Variants in PRSS12 observed in about 807,000 individuals in gnomAD.
The protein encoded by PRSS12 is serine protease 12.
In PRSS12, 85 loss-of-function variants were observed where a neutral mutation model predicts 104.4. The ratio of observed to expected loss-of-function variants is 0.81; its 90% CI spans 0.68 to 0.98. The LOEUF is 0.98. PRSS12 is among the 50% of genes least tolerant of loss of function. The pLI, the probability that PRSS12 is intolerant of heterozygous loss-of-function variation, is 0.00. For synonymous variants in PRSS12, 454 were observed against 425.2 expected (o/e 1.07, Z -0.83); for missense variants, 1,141 against 1,139.2 (o/e 1.00, Z -0.02).
intron 9 of PRSS12, among the ~76,000 whole-genome samples, chr4:118,297,270 A>G (rs1024334873): frequency 1.3e-5 from 2 of 152,182 alleles, no homozygotes; most frequent in Admixed American, 1.3e-4. Context: ...CCATGGAAAG[A>G]TATCAAAAAG....
At chr4:118,326,361 TACTA>T (rs1165240673) in intron 4 of PRSS12, among the ~76,000 whole-genome samples, 2 of 152,226 alleles carry the variant, frequency 1.3e-5, no homozygotes, top group African/African-American at 2.4e-5. Context: ...CTTTTAGACA[TACTA>T]ACTAATTTCT....
chr4:118,295,358 C>T (rs1048708289), intron 10 of PRSS12, among the ~76,000 whole-genome samples: 2 of 152,174 alleles, frequency 1.3e-5, no homozygotes, highest in African/African-American at 4.8e-5. Context: ...AGTGTAATTT[C>T]TCTCCTCACT....
chr4:118,286,026 A>T (rs1743009773), intron 11 of PRSS12, among the ~76,000 whole-genome samples: 2 of 152,220 alleles, frequency 1.3e-5, no homozygotes, highest in Admixed American at 6.5e-5. Context: ...ATTTATTTTT[A>T]AAATAATATC....
At chr4:118,288,546 TC>T (rs1743060505) in intron 11 of PRSS12, among the ~76,000 whole-genome samples, 1 of 152,190 alleles carries the variant, frequency 6.6e-6, no homozygotes, top group Non-Finnish European at 1.5e-5. Context: ...TGAGATAAAG[TC>T]AGGTAAAGTT....
chr4:118,342,050 G>A (rs1478894299), intron 1 of PRSS12, among the ~76,000 whole-genome samples: 1 of 152,168 alleles, frequency 6.6e-6, no homozygotes, highest in Non-Finnish European at 1.5e-5. Context: ...GCTTTCTGGT[G>A]CTCCTATAGT....
chr4:118,352,025 C>A (rs1277564719), intron 1 of PRSS12, among the ~76,000 whole-genome samples, 194 bp downstream of exon 1: 1 of 152,132 alleles, frequency 6.6e-6, no homozygotes, highest in Non-Finnish European at 1.5e-5. Flanking sequence ...CACAAGCACA[C>A]CTGGCTGGCT....
chr4:118,329,362 C>T (rs1432161282), intron 4 of PRSS12, among the ~76,000 whole-genome samples: 4 of 152,108 alleles, frequency 2.6e-5, no homozygotes, highest in African/African-American at 7.2e-5. Flanking sequence ...TAGAATAACC[C>T]ATATTGTAAC....
chr4:118,352,776 G>T lies in PRSS12; in HGVS notation c.-56C>A, dbSNP rs1193911089. ...TCCCCAGCTTCTCGGGCTTGGAGCG[G>T]AGAAGAGGAGGGGGCGGGGGCGGGG... On this transcript the variant is annotated 5_prime_UTR_variant, in exon 1 of 13. Transcript: ENST00000296498. The T allele has an allele frequency of 1.2e-6, 2 of 1,603,348 alleles. No homozygotes were observed. The highest frequency in any genetic ancestry group is 1.7e-6 in the Non-Finnish European group (2 of 1,176,232).
intron 8 of PRSS12, among the ~76,000 whole-genome samples, chr4:118,300,570 T>C (rs1026323153): frequency 1.3e-5 from 2 of 152,130 alleles, no homozygotes; most frequent in Non-Finnish European, 2.9e-5. Context: ...GCTTTCCAGA[T>C]GAATTATTGG....
At chr4:118,341,118 T>C (rs930131511) in intron 1 of PRSS12, among the ~76,000 whole-genome samples, 16 of 152,146 alleles carry the variant, frequency 1.1e-4, no homozygotes, top group African/African-American at 3.6e-4. Context: ...GGGGTTCTGG[T>C]GTCTATGGCC....
intron 8 of PRSS12, among the ~76,000 whole-genome samples, chr4:118,306,857 A>T (rs1743568792): frequency 6.6e-6 from 1 of 152,128 alleles, no homozygotes; most frequent in Admixed American, 6.5e-5. Context: ...CTCTCCTTAA[A>T]CTTAGCTGAG....
At chr4:118,347,091 T>C (rs762455241) in intron 1 of PRSS12, among the ~76,000 whole-genome samples, 4 of 150,040 alleles carry the variant, frequency 2.7e-5, no homozygotes, top group Non-Finnish European at 4.4e-5. Context: ...AAAAAAAAAA[T>C]ATGCACACTA....
chr4:118,318,515 C>A lies in PRSS12; in HGVS notation c.1013G>T (p.Gly338Val). The change falls in exon 5 of 13, where the codon GGG (glycine) becomes GTG (valine). Residue 338 changes from glycine to valine, a missense_variant. Gly to Val is a moderately radical substitution (Grantham distance 109). Transcript: ENST00000296498. ...TTCATCCAACATAACTGGGCCAGACCCTTCCCCAAAATATGCCTGATGCCA... is the reference window on the plus strand; with the variant it reads ...TTCATCCAACATAACTGGGCCAGACACTTCCCCAAAATATGCCTGATGCCA... ...KAWHQAYFGEGSGPVMLDEVR... is the reference protein window; with the variant it reads ...KAWHQAYFGEVSGPVMLDEVR... 6.2e-7 allele frequency: 1 copy of A among 1,614,138 alleles called. No individual in the cohort carries two copies. The highest frequency in any genetic ancestry group is 8.5e-7 in the Non-Finnish European group (1 of 1,180,012).
intron 11 of PRSS12, 145 bp from the exon 12 acceptor site, chr4:118,283,256 C>A: frequency 1.0e-6 from 1 of 994,590 alleles, no homozygotes; most frequent in Non-Finnish European, 1.5e-6. Flanking sequence ...TTATCTGACC[C>A]ACCATTCCTG....
intron 12 of PRSS12, 72 bp from the exon 13 acceptor site, chr4:118,282,315 T>G: frequency 6.4e-7 from 1 of 1,571,388 alleles, no homozygotes; most frequent in East Asian, 2.2e-5. Context: ...ACTGAGCATG[T>G]AATAGTTATG....
intron 12 of PRSS12, among the ~76,000 whole-genome samples, chr4:118,282,601 A>T (rs1191587339): frequency 6.6e-6 from 1 of 152,238 alleles, no homozygotes; most frequent in Non-Finnish European, 1.5e-5. Context: ...ACATCAATTC[A>T]TATCTACTTC....
intron 8 of PRSS12, among the ~76,000 whole-genome samples, chr4:118,304,964 G>A (rs1743505313): frequency 6.6e-6 from 1 of 151,600 alleles, no homozygotes; most frequent in African/African-American, 2.4e-5. Context: ...CTATTTATGA[G>A]GCTCAAATCT....
At chr4:118,333,731 A>G (rs942647163) in intron 3 of PRSS12, among the ~76,000 whole-genome samples, 13 of 152,152 alleles carry the variant, frequency 8.5e-5, no homozygotes, top group African/African-American at 3.1e-4. Context: ...TTATGGCATA[A>G]CCACCTTTCA....
intron 3 of PRSS12, among the ~76,000 whole-genome samples, chr4:118,333,019 T>G (rs752160499): frequency 1.3e-5 from 2 of 152,154 alleles, no homozygotes; most frequent in African/African-American, 2.4e-5. Context: ...CAAAGGACCT[T>G]ACTCATGGTT....
Sources: allele counts gnomAD v4.1 joint callset (sites outside exome capture counted in the v4.1 genomes callset), GRCh38; gene constraint gnomAD v4.1.1; transcripts MANE v1.5; gene names NCBI Gene and HGNC (gene_info 2026-07-23, HGNC 2026-07-21).